Variants in DCDC1 observed in about 807,000 individuals in gnomAD.
DCDC1 encodes doublecortin domain containing 1.
DCDC1 carries 200 observed loss-of-function variants against 178.3 expected under a neutral mutation model. The ratio of observed to expected loss-of-function variants is 1.12; its 90% confidence interval spans 1.00 to 1.26. The LOEUF (loss-of-function observed/expected upper bound fraction) is 1.26, where lower values mean the gene tolerates loss of function less well. Ranked by LOEUF, DCDC1 falls within the 50% of genes most tolerant of loss-of-function variation. DCDC1 has a pLI of 0.00. For synonymous variants in DCDC1, 690 were observed against 604.8 expected (o/e 1.14, Z -2.07); for missense variants, 1,983 against 1,749.2 (o/e 1.13, Z -2.38).
chr11:30,891,733 A>G (rs1012317775), intron 36 of DCDC1, among the ~76,000 whole-genome samples: 7 of 152,132 alleles, frequency 4.6e-5, no homozygotes, highest in African/African-American at 7.2e-5. Flanking sequence ...CTTTACTTGT[A>G]TTCCTAATTT....
intron 35 of DCDC1, among the ~76,000 whole-genome samples, chr11:30,893,969 C>T (rs1943997278): frequency 6.6e-6 from 1 of 152,152 alleles, no homozygotes; most frequent in Non-Finnish European, 1.5e-5. Context: ...ACAATTATTA[C>T]AATTACCTTT....
intron 1 of DCDC1, among the ~76,000 whole-genome samples, chr11:31,343,796 G>A (rs575323530): frequency 7.2e-5 from 11 of 152,032 alleles, no homozygotes; most frequent in Middle Eastern, 6.8e-3. Context: ...GGCAGATGCC[G>A]GTAATCCCAG....
intron 4 of DCDC1, among the ~76,000 whole-genome samples, chr11:31,306,804 T>C (rs1948490685): frequency 6.6e-6 from 1 of 152,054 alleles, no homozygotes; most frequent in Admixed American, 6.6e-5. Context: ...CTATCCAAGT[T>C]TTCAGGTTTA....
intron 18 of DCDC1, among the ~76,000 whole-genome samples, chr11:31,071,338 C>T (rs762375722): frequency 8.5e-5 from 13 of 152,166 alleles, no homozygotes; most frequent in Non-Finnish European, 1.8e-4. Context: ...CTATAATGGA[C>T]ATCCTTAAAG....
chr11:31,259,359 A>T (rs1169802819), intron 8 of DCDC1, among the ~76,000 whole-genome samples: 1 of 152,176 alleles, frequency 6.6e-6, no homozygotes, highest in East Asian at 1.9e-4. Flanking sequence ...ACCTCAAAAA[A>T]GAAAAATAAT....
chr11:31,049,653 G>T (rs1955104698), intron 20 of DCDC1, among the ~76,000 whole-genome samples: 1 of 152,156 alleles, frequency 6.6e-6, no homozygotes. Flanking sequence ...CTCCTGCAGG[G>T]CCCAAGAGAC....
At chr11:31,236,431 T>C (rs1976476190) in intron 9 of DCDC1, among the ~76,000 whole-genome samples, 1 of 152,056 alleles carries the variant, frequency 6.6e-6, no homozygotes, top group Admixed American at 6.6e-5. Context: ...AATTGGCACC[T>C]TACTCACTGA....
intron 20 of DCDC1, among the ~76,000 whole-genome samples, chr11:31,029,721 C>T (rs1173986029): frequency 6.6e-6 from 1 of 152,052 alleles, no homozygotes; most frequent in Non-Finnish European, 1.5e-5. Context: ...TTCTTTATAA[C>T]AATAAAATGC....
intron 9 of DCDC1, among the ~76,000 whole-genome samples, chr11:31,214,622 A>C (rs1407576830): frequency 6.6e-6 from 1 of 152,164 alleles, no homozygotes; most frequent in Non-Finnish European, 1.5e-5. Flanking sequence ...ACAAGTACAA[A>C]ATAATAGGAA....
intron 21 of DCDC1, among the ~76,000 whole-genome samples, chr11:30,938,445 A>G (rs534123429): frequency 6.6e-6 from 1 of 152,270 alleles, no homozygotes; most frequent in South Asian, 2.1e-4. Context: ...CCCTGCCTTC[A>G]GGGTCAGCAG....
chr11:31,275,527 A>G (rs891142051), intron 7 of DCDC1, among the ~76,000 whole-genome samples: 1 of 152,022 alleles, frequency 6.6e-6, no homozygotes, highest in Non-Finnish European at 1.5e-5. Flanking sequence ...TTTTTGAGAC[A>G]GAGTTTCGCT....
In DCDC1 at chr11:31,330,652, C is replaced by A. The variant is rs563391381; in HGVS notation, c.-6-2366G>T. Among the ~76,000 whole-genome samples, 9 of 152,132 alleles carry A rather than the reference C, an allele frequency of 5.9e-5. No individual in the cohort carries two copies. In the South Asian group the frequency reaches 1.9e-3, roughly 32 times the overall value. On this transcript the variant is annotated intron_variant, in intron 2 of 38. Coordinates refer to ENST00000684477, the MANE Select transcript of DCDC1 (RefSeq NM_001387274.1). ...TTTCCCAGCACCATTTATTAAATAG[C>A]GAATTCTTTCCCCATTTCTTGTTTT... is the stretch of plus-strand genomic sequence containing the variant.
At chr11:31,176,843 C>T (rs1968102458) in intron 9 of DCDC1, among the ~76,000 whole-genome samples, 1 of 152,150 alleles carries the variant, frequency 6.6e-6, no homozygotes, top group African/African-American at 2.4e-5. Flanking sequence ...ACTTCCAAGA[C>T]AGGCAAACAC....
intron 25 of DCDC1, among the ~76,000 whole-genome samples, chr11:30,920,213 C>T (rs570964907): frequency 6.6e-6 from 1 of 152,260 alleles, no homozygotes; most frequent in Admixed American, 6.5e-5. Flanking sequence ...CAATGACAGG[C>T]ATGAACCAGG....
At chr11:31,172,180 A>T (rs911486445) in intron 9 of DCDC1, among the ~76,000 whole-genome samples, 5 of 152,060 alleles carry the variant, frequency 3.3e-5, no homozygotes, top group African/African-American at 1.2e-4. Flanking sequence ...AAAATTATAT[A>T]TTTCCCTATA....
At chr11:31,230,900 AT>A (rs568369698) in intron 9 of DCDC1, among the ~76,000 whole-genome samples, 5 of 151,370 alleles carry the variant, frequency 3.3e-5, no homozygotes, top group South Asian at 2.1e-4. Context: ...ATAATTATCC[AT>A]TTTTTTTAAT....
intron 9 of DCDC1, among the ~76,000 whole-genome samples, chr11:31,206,697 G>C (rs1971910233): frequency 6.6e-6 from 1 of 152,140 alleles, no homozygotes; most frequent in South Asian, 2.1e-4. Flanking sequence ...TTACAGGTGT[G>C]AGCCACCGCG....
intron 9 of DCDC1, among the ~76,000 whole-genome samples, chr11:31,179,482 A>G (rs770049826): frequency 7.9e-5 from 12 of 152,242 alleles, no homozygotes; most frequent in Non-Finnish European, 1.6e-4. Flanking sequence ...ACAATGGAAT[A>G]TTATTCAACC....
At chr11:31,088,372 C>G (rs1369881173) in intron 17 of DCDC1, among the ~76,000 whole-genome samples, 2 of 151,874 alleles carry the variant, frequency 1.3e-5, no homozygotes, top group Admixed American at 6.6e-5. Flanking sequence ...TATTTCTGTT[C>G]TTTGTTCCCC....
Sources: allele counts gnomAD v4.1 joint callset (sites outside exome capture counted in the v4.1 genomes callset), GRCh38; gene constraint gnomAD v4.1.1; transcripts MANE v1.5; gene names NCBI Gene and HGNC (gene_info 2026-07-23, HGNC 2026-07-21).